Variants in CCDC34 observed in about 807,000 individuals in gnomAD.
CCDC34 encodes coiled-coil domain-containing protein 34.
A neutral mutation model predicts 44.1 loss-of-function variants in CCDC34; 40 were observed. That is an observed-to-expected ratio of 0.91 (90% CI 0.70 to 1.18). The LOEUF (loss-of-function observed/expected upper bound fraction) is 1.18, where lower values mean the gene tolerates loss of function less well. Among genes scored for constraint, CCDC34 ranks in the 50% most tolerant of loss-of-function variants. The pLI is 0.00. For synonymous variants in CCDC34, 159 were observed against 158.2 expected, an observed-to-expected ratio of 1.01 and a Z score of -0.04; for missense variants, 466 against 452.3, an observed-to-expected ratio of 1.03 and a Z score of -0.28.
rs144221459 is a variant in CCDC34, at chr11:27,363,171, C to T, written c.24G>A (p.Gly8=). 4.7e-6 allele frequency: 7 copies of T among 1,489,852 alleles called. No individual in the cohort carries two copies. The East Asian group carries it at 9.4e-5, about 20-fold the overall frequency. The allele number at this position is 1,489,852 out of a possible 1,614,324, so 92.3% of individuals were successfully genotyped here. The change falls in exon 1 of 6, where the codon GGG becomes GGA. Residue 8 remains glycine, a synonymous_variant. Coordinates refer to ENST00000328697, the MANE Select transcript of CCDC34 (RefSeq NM_030771.2). Reference sequence around the variant, plus strand: ...CGGCGTAGGAAGAGGGAAAAGTAGGCCCCCAGCGCCCCGCCGCCCACATCT... The same window carrying T: ...CGGCGTAGGAAGAGGGAAAAGTAGGTCCCCAGCGCCCCGCCGCCCACATCT... MWAAGRW[G]PTFPSSYAGF...
chr11:27,340,039 G>A (rs1862330870), intron 5 of CCDC34, among the ~76,000 whole-genome samples: 1 of 151,964 alleles, frequency 6.6e-6, no homozygotes, highest in Admixed American at 6.6e-5. Flanking sequence ...TTCAGACACT[G>A]GCAACCCACT....
rs1449521978 is a variant in CCDC34, at chr11:27,349,025, T to G, written c.606+1307A>C. The G allele has an allele frequency of 6.1e-6, 6 of 984,304 alleles. No individual in the cohort carries two copies. In the African/African-American group the frequency reaches 1.0e-4, roughly 17 times the overall value. The allele number at this position is 984,304 out of a possible 1,614,324, so 61.0% of individuals were successfully genotyped here. A position where few individuals can be genotyped will look rare whatever the true frequency, so the allele number is the denominator to read the frequency against. ...TTGGATTAGGTCTACTGCCACTAAT[T>G]AAAACAGTGAATATATTGTCTCCCA... On this transcript the variant is annotated intron_variant, in intron 3 of 5. Transcript: ENST00000328697.
At chr11:27,350,145 G>C (rs1862485938) in intron 3 of CCDC34, 187 bp downstream of exon 3, 1 of 1,463,110 alleles carries the variant, frequency 6.8e-7, no homozygotes, top group African/African-American at 1.4e-5. Flanking sequence ...GGAAAAAGGA[G>C]AAAAGTAGAG....
intron 3 of CCDC34, among the ~76,000 whole-genome samples, chr11:27,343,230 G>A (rs568352927): frequency 5.9e-5 from 9 of 152,052 alleles, no homozygotes; most frequent in South Asian, 4.2e-4. Context: ...GTGAAACCCC[G>A]TCTCTACTAA....
intron 3 of CCDC34, among the ~76,000 whole-genome samples, chr11:27,347,262 T>G (rs1187249150): frequency 6.6e-6 from 1 of 152,162 alleles, no homozygotes; most frequent in African/African-American, 2.4e-5. Flanking sequence ...ATAATAGTAG[T>G]GGAGATGTAA....
chr11:27,361,778 C>T (rs1191803560), intron 1 of CCDC34, among the ~76,000 whole-genome samples: 2 of 152,192 alleles, frequency 1.3e-5, no homozygotes, highest in African/African-American at 4.8e-5. Context: ...TTGCTATTTA[C>T]ACATAAAGCA....
intron 3 of CCDC34, among the ~76,000 whole-genome samples, chr11:27,345,838 C>G (rs1342075503): frequency 2.6e-5 from 4 of 152,118 alleles, no homozygotes; most frequent in African/African-American, 9.7e-5. Flanking sequence ...ATTTCTGGTT[C>G]TAGATCCCTG....
chr11:27,356,920 GTGGGGTGGGGTT>G (rs1862585113), intron 2 of CCDC34, among the ~76,000 whole-genome samples: 1 of 87,116 alleles, frequency 1.1e-5, no homozygotes, highest in South Asian at 6.1e-4. Flanking sequence ...GGGTGGTGGG[GTGGGGTGGGGTT>G]GGGGGTGGTG....
At chr11:27,349,748 T>G in intron 3 of CCDC34, 1 of 957,664 alleles carries the variant, frequency 1.0e-6, no homozygotes, top group South Asian at 4.8e-5. Context: ...ACATATATCA[T>G]GCGCAGGTAT....
rs552929042 is a variant in CCDC34, at chr11:27,349,233, T to A, written c.606+1099A>T. On this transcript the variant is annotated intron_variant, in intron 3 of 5. Coordinates refer to ENST00000328697, the MANE Select transcript of CCDC34 (RefSeq NM_030771.2). ...GATATTACCCAAAGTTTTATAACAG[T>A]CACAGAGATTTATTTTGATTTTTGA... 25 of 948,354 alleles carry A rather than the reference T, an allele frequency of 2.6e-5. No individual in the cohort carries two copies. In the East Asian group the frequency reaches 2.8e-3, roughly 105 times the overall value. 58.7% of individuals were successfully genotyped at this position (948,354 alleles called of 1,614,324 possible). A position where few individuals can be genotyped will look rare whatever the true frequency, so the allele number is the denominator to read the frequency against.
intron 1 of CCDC34, among the ~76,000 whole-genome samples, chr11:27,359,105 A>G (rs971659059): frequency 6.6e-6 from 1 of 152,056 alleles, no homozygotes; most frequent in Admixed American, 6.5e-5. Context: ...CTCCCTTTCA[A>G]ATCATTATCC....
At chr11:27,341,266 T>A in intron 4 of CCDC34, 126 bp downstream of exon 4, 1 of 579,810 alleles carries the variant, frequency 1.7e-6, no homozygotes, top group Non-Finnish European at 2.9e-6. Context: ...CGTAACAGGA[T>A]AGCTTCTTGT....
chr11:27,338,618 G>A lies in CCDC34; in HGVS notation c.*203C>T. 1 of 521,522 alleles carries A rather than the reference G, an allele frequency of 1.9e-6. No homozygotes were observed. The highest frequency in any genetic ancestry group is 3.3e-6 in the Non-Finnish European group (1 of 301,078). The allele number at this position is 521,522 out of a possible 1,614,324, so 32.3% of individuals were successfully genotyped here. The stretch of plus-strand genomic sequence containing the variant: ...AGCCACTTATTCTGCAAAACAACAT[G>A]CCAAGATCAACCTTAAAAAGTTTAT... On this transcript the variant is annotated 3_prime_UTR_variant, in exon 6 of 6. Transcript: ENST00000328697.
intron 1 of CCDC34, among the ~76,000 whole-genome samples, chr11:27,359,773 A>C (rs977527163): frequency 3.3e-5 from 5 of 152,236 alleles, no homozygotes; most frequent in African/African-American, 1.2e-4. Context: ...TCCATGCTAA[A>C]GCACTTAATA....
intron 2 of CCDC34, among the ~76,000 whole-genome samples, chr11:27,356,028 T>TTTTTA (rs1253808326): frequency 4.8e-5 from 7 of 144,856 alleles, no homozygotes; most frequent in Non-Finnish European, 1.5e-5. Context: ...TTTTTTTTTT[T>TTTTTA]TTTTTTTTAG....
chr11:27,346,941 G>T (rs2133342002), intron 3 of CCDC34, among the ~76,000 whole-genome samples: 1 of 152,304 alleles, frequency 6.6e-6, no homozygotes, highest in East Asian at 1.9e-4. Context: ...GACATAAAAA[G>T]ACAGCCGTGG....
chr11:27,344,247 T>C (rs1315669476), intron 3 of CCDC34, among the ~76,000 whole-genome samples: 1 of 152,124 alleles, frequency 6.6e-6, no homozygotes, highest in Non-Finnish European at 1.5e-5. Context: ...AGCATTATTC[T>C]GACATCAAAA....
intron 2 of CCDC34, among the ~76,000 whole-genome samples, chr11:27,354,812 T>A (rs1274413439): frequency 6.6e-6 from 1 of 151,968 alleles, no homozygotes; most frequent in African/African-American, 2.4e-5. Flanking sequence ...TGAGCTGTGA[T>A]CACGCCACTA....
intron 3 of CCDC34, among the ~76,000 whole-genome samples, chr11:27,346,986 C>T (rs1171411477): frequency 6.6e-6 from 1 of 152,104 alleles, no homozygotes. Flanking sequence ...CCTACAGATG[C>T]CTTTATCTTG....
Sources: gnomAD v4.1 joint callset for allele counts (sites outside exome capture counted in the v4.1 genomes callset) on GRCh38, gnomAD v4.1.1 for gene constraint, MANE v1.5 for transcripts, NCBI Gene and HGNC (gene_info 2026-07-23, HGNC 2026-07-21) for gene names.